The following CNTNAP5 variants were observed in gnomAD, a reference collection of about 807,000 sequenced individuals.
CNTNAP5 encodes the protein contactin-associated protein-like 5.
Under a neutral mutation model 150.2 loss-of-function variants are expected in CNTNAP5, and 72 were observed. The ratio of observed to expected loss-of-function variants is 0.48; its 90% CI spans 0.40 to 0.58. The LOEUF is 0.58. Among genes scored for constraint, CNTNAP5 ranks in the 20% least tolerant of loss-of-function variants. The pLI, the probability that CNTNAP5 is intolerant of heterozygous loss-of-function variation, is 0.00. For missense variants in CNTNAP5, 1,636 were observed against 1,626.2 expected, an observed-to-expected ratio of 1.01 and a Z score of -0.10; for synonymous variants, 672 against 619.8, an observed-to-expected ratio of 1.08 and a Z score of -1.25.
intron 17 of CNTNAP5, among the ~76,000 whole-genome samples, chr2:124,778,881 A>T (rs1036913718): frequency 6.6e-6 from 1 of 152,302 alleles, no homozygotes; most frequent in Non-Finnish European, 1.5e-5. Context: ...AACCTGGAAG[A>T]AAGGGATGTG....
At chr2:124,317,023 G>A (rs1401773140) in intron 3 of CNTNAP5, among the ~76,000 whole-genome samples, 1 of 151,922 alleles carries the variant, frequency 6.6e-6, no homozygotes, top group East Asian at 1.9e-4. Flanking sequence ...TTTTAGAAAG[G>A]TTATGTTGAG....
intron 3 of CNTNAP5, among the ~76,000 whole-genome samples, chr2:124,288,000 G>T (rs551511342): frequency 6.6e-6 from 1 of 152,226 alleles, no homozygotes; most frequent in East Asian, 1.9e-4. Context: ...CGCAACCTTG[G>T]CTCACTGCAG....
intron 1 of CNTNAP5, among the ~76,000 whole-genome samples, chr2:124,037,992 A>G (rs1290786226): frequency 2.6e-5 from 4 of 152,228 alleles, no homozygotes; most frequent in African/African-American, 9.6e-5. Context: ...CAAGGTAATT[A>G]TTGGATGCAT....
intron 1 of CNTNAP5, among the ~76,000 whole-genome samples, chr2:124,169,441 G>T (rs949330547): frequency 6.6e-6 from 1 of 152,168 alleles, no homozygotes; most frequent in Non-Finnish European, 1.5e-5. Context: ...CCTTCTGAAA[G>T]AAAACTTTAG....
intron 23 of CNTNAP5, among the ~76,000 whole-genome samples, chr2:124,913,436 G>A (rs1471510933): frequency 6.6e-6 from 1 of 152,022 alleles, no homozygotes; most frequent in Non-Finnish European, 1.5e-5. Flanking sequence ...GAATAAAGGG[G>A]AATCTGATGG....
chr2:124,172,047 C>A (rs1684946180), intron 1 of CNTNAP5, among the ~76,000 whole-genome samples: 1 of 152,084 alleles, frequency 6.6e-6, no homozygotes, highest in South Asian at 2.1e-4. Context: ...GTTTTCATTT[C>A]TTTTAGACTT....
chr2:124,258,501 G>T (rs1178493385), intron 3 of CNTNAP5, among the ~76,000 whole-genome samples: 5 of 152,050 alleles, frequency 3.3e-5, no homozygotes, highest in Non-Finnish European at 7.4e-5. Flanking sequence ...TACCCCAATG[G>T]GTGTCTCAGA....
chr2:124,911,602 A>T (rs763214430), intron 23 of CNTNAP5, 64 bp downstream of exon 23: 7 of 1,306,780 alleles, frequency 5.4e-6, no homozygotes, highest in Admixed American at 2.0e-5. Flanking sequence ...GGAGAAAGTT[A>T]TCTGAAGCTT....
intron 3 of CNTNAP5, among the ~76,000 whole-genome samples, chr2:124,386,956 G>T (rs563080857): frequency 1.3e-5 from 2 of 152,282 alleles, no homozygotes; most frequent in South Asian, 4.1e-4. Flanking sequence ...AGAAGCCAGA[G>T]GGCTAACTTG....
chr2:124,089,272 TA>T (rs1256181975), intron 1 of CNTNAP5, among the ~76,000 whole-genome samples: 3 of 127,744 alleles, frequency 2.3e-5, no homozygotes, highest in African/African-American at 8.5e-5. Flanking sequence ...AGACCCCACC[TA>T]TTTTTTTTTT....
At chr2:124,685,481 C>A (rs2105073397) in intron 13 of CNTNAP5, among the ~76,000 whole-genome samples, 1 of 152,136 alleles carries the variant, frequency 6.6e-6, no homozygotes, top group Non-Finnish European at 1.5e-5. Flanking sequence ...AGCATCTCTT[C>A]ATTGAAAGAA....
intron 1 of CNTNAP5, among the ~76,000 whole-genome samples, chr2:124,076,563 CT>C (rs777269668): frequency 6.6e-6 from 1 of 152,090 alleles, no homozygotes; most frequent in East Asian, 1.9e-4. Flanking sequence ...CAAACACTCT[CT>C]TGGTGTCTTT....
intron 7 of CNTNAP5, among the ~76,000 whole-genome samples, chr2:124,503,511 C>A (rs568816847): frequency 6.6e-6 from 1 of 152,194 alleles, no homozygotes; most frequent in African/African-American, 2.4e-5. Context: ...GTTCGATGCA[C>A]ACTTAATATT....
chr2:124,274,159 A>G (rs1166529552), intron 3 of CNTNAP5, among the ~76,000 whole-genome samples: 1 of 152,148 alleles, frequency 6.6e-6, no homozygotes, highest in Non-Finnish European at 1.5e-5. Flanking sequence ...TTTTGTATTA[A>G]GATCTTTAAA....
chr2:124,567,235 T>C (rs932424981), intron 11 of CNTNAP5, among the ~76,000 whole-genome samples: 1 of 152,032 alleles, frequency 6.6e-6, no homozygotes, highest in Non-Finnish European at 1.5e-5. Flanking sequence ...CTCTAAAAAA[T>C]AACAGAATGG....
chr2:124,729,954 C>T (rs1334288717), intron 13 of CNTNAP5, among the ~76,000 whole-genome samples: 6 of 152,038 alleles, frequency 3.9e-5, no homozygotes, highest in South Asian at 2.1e-4. Context: ...TTGACTTGTT[C>T]GTATTGACTG....
At chr2:124,654,695 T>C in intron 13 of CNTNAP5, among the ~76,000 whole-genome samples, 1 of 152,142 alleles carries the variant, frequency 6.6e-6, no homozygotes, top group Admixed American at 6.5e-5. Flanking sequence ...GCACCACCTC[T>C]GCTCCCATAT....
chr2:124,072,742 A>AT (rs1682336570), intron 1 of CNTNAP5, among the ~76,000 whole-genome samples: 1 of 152,078 alleles, frequency 6.6e-6, no homozygotes, highest in African/African-American at 2.4e-5. Context: ...GTCCATATTC[A>AT]TGCATCAGGT....
chr2:124,085,116 T>G (rs1340453684), intron 1 of CNTNAP5, among the ~76,000 whole-genome samples: 1 of 151,106 alleles, frequency 6.6e-6, no homozygotes, highest in Non-Finnish European at 1.5e-5. Context: ...GAGACGGGGT[T>G]TCACCATGTT....
Sources: gnomAD v4.1 joint callset for allele counts (sites outside exome capture counted in the v4.1 genomes callset) on GRCh38, gnomAD v4.1.1 for gene constraint, MANE v1.5 for transcripts, NCBI Gene and HGNC (gene_info 2026-07-23, HGNC 2026-07-21) for gene names.